The following MMS19 variants were observed in gnomAD, a reference collection of about 807,000 sequenced individuals.
MMS19 encodes the protein MMS19 nucleotide excision repair protein homolog.
In MMS19, 77 loss-of-function variants were observed where a neutral mutation model predicts 129.8. The ratio of observed to expected loss-of-function variants is 0.59; its 90% CI spans 0.49 to 0.72. MMS19 has a LOEUF of 0.72. Among genes scored for constraint, MMS19 ranks in the 30% least tolerant of loss-of-function variants. The pLI is 0.00. For missense variants in MMS19, 1,168 were observed against 1,266.3 expected (o/e 0.92, Z 1.18); for synonymous variants, 491 against 502.8 (o/e 0.98, Z 0.31).
At chr10:97,483,498 AT>A (rs553508022) in intron 2 of MMS19, among the ~76,000 whole-genome samples, 257 of 152,344 alleles carry the variant, frequency 1.7e-3, no homozygotes, top group African/African-American at 6.0e-3. Flanking sequence ...TTTAGAAGAC[AT>A]GCTGTCACAA....
upstream of MMS19, chr10:97,498,426 T>A (rs1188015530): frequency 6.4e-7 from 1 of 1,561,318 alleles, no homozygotes; most frequent in East Asian, 2.4e-5. Flanking sequence ...GGGCGGTGGC[T>A]CGAGACGGGC....
intron 1 of MMS19, among the ~76,000 whole-genome samples, chr10:97,492,231 G>A (rs1449105447): frequency 6.6e-6 from 1 of 151,582 alleles, no homozygotes; most frequent in Non-Finnish European, 1.5e-5. Flanking sequence ...AGCACTTTGG[G>A]AGGCCGAGGC....
rs144204064 is a variant in MMS19, at chr10:97,493,698, T to C, written c.112+4575A>G. 4.6e-5 allele frequency among the ~76,000 whole-genome samples: 7 copies of C among 152,326 alleles called. No individual in the cohort carries two copies. The East Asian group carries it at 1.3e-3, about 29-fold the overall frequency. On this transcript the variant is annotated intron_variant, in intron 1 of 30. Transcript: ENST00000438925. ...ACTAACTTTAAGTGATTAATTCTTT[T>C]AATGGTGCAAATTATCCAAAATTAA... is the stretch of plus-strand genomic sequence containing the variant.
intron 10 of MMS19, 35 bp downstream of exon 10, chr10:97,470,094 G>C (rs1444491510): frequency 6.9e-7 from 1 of 1,447,614 alleles, no homozygotes; most frequent in Admixed American, 1.8e-5. Context: ...CTTGTCAAAA[G>C]GTAGCTGGGT....
chr10:97,470,299 T>C, intron 9 of MMS19, 96 bp from the exon 10 acceptor site: 1 of 838,288 alleles, frequency 1.2e-6, no homozygotes, highest in South Asian at 1.5e-5. Flanking sequence ...TAAAAGCAGG[T>C]ACTACATCAA....
chr10:97,467,742 C>T lies in MMS19; in HGVS notation c.1219-159G>A, dbSNP rs565846835. 9.5e-6 allele frequency: 6 copies of T among 634,020 alleles called. No individual in the cohort carries two copies. In the East Asian group the frequency reaches 1.1e-4, roughly 12 times the overall value. 39.3% of individuals were successfully genotyped at this position (634,020 alleles called of 1,614,324 possible). On this transcript the variant is annotated intron_variant, in intron 13 of 30. Transcript: ENST00000438925. ...ACAGTAGCATGATTATAGCTCCCTG[C>T]AGCCCCGACCTCCTAGGTTCAAGTG...
intron 2 of MMS19, among the ~76,000 whole-genome samples, chr10:97,483,345 C>T (rs989555865): frequency 6.6e-6 from 1 of 152,166 alleles, no homozygotes; most frequent in Non-Finnish European, 1.5e-5. Flanking sequence ...TGAGCCACTG[C>T]ACCCAGCCAA....
intron 1 of MMS19, among the ~76,000 whole-genome samples, chr10:97,486,873 A>ATATATATATATATATATATG (rs2037963001): frequency 1.4e-5 from 1 of 69,506 alleles, no homozygotes; most frequent in Non-Finnish European, 3.0e-5. Context: ...ATATATATAT[A>ATATATATATATATATATATG]TATATATATA....
intron 23 of MMS19, chr10:97,461,276 T>C (rs2031817509): frequency 3.2e-6 from 2 of 627,746 alleles, no homozygotes; most frequent in East Asian, 5.6e-5. Flanking sequence ...ACGGCAGAAC[T>C]AGACTCTTTG....
At chr10:97,483,191 C>CTGG (rs768535397) in intron 2 of MMS19, among the ~76,000 whole-genome samples, 33 of 152,008 alleles carry the variant, frequency 2.2e-4, no homozygotes, top group South Asian at 4.2e-4. Context: ...TAGCTGGGAC[C>CTGG]ACAGGCGCAT....
intron 3 of MMS19, among the ~76,000 whole-genome samples, chr10:97,479,587 A>G (rs1398134784): frequency 1.3e-5 from 2 of 152,190 alleles, no homozygotes; most frequent in East Asian, 3.9e-4. Context: ...GTGTTATATA[A>G]CTTCCTGGCT....
chr10:97,473,742 A>G (rs1439567021), intron 8 of MMS19, among the ~76,000 whole-genome samples: 5 of 152,168 alleles, frequency 3.3e-5, no homozygotes, highest in African/African-American at 7.2e-5. Flanking sequence ...CAAAAGTTCT[A>G]TTGGGATATA....
rs374691484 is a variant in MMS19, at chr10:97,470,878, G to A, written c.685-17C>T. 6.2e-7 allele frequency: 1 copy of A among 1,612,108 alleles called. No homozygotes were observed. The stretch of plus-strand genomic sequence containing the variant: ...ATTAGGTGGCTGGAAAAGGGAGAAG[G>A]GCTGTGGGTTTGTGTAACATTTCAG... On this transcript the variant is annotated splice_polypyrimidine_tract_variant and intron_variant, in intron 8 of 30. Transcript: ENST00000438925.
At position 97,466,536 on chromosome 10, in the gene MMS19, T is replaced by A; in HGVS notation, c.1473A>T (p.Arg491Ser). The part of the protein sequence containing the change: ...DLELAVGHLY[R>S]LSFLKEDSQS... ...GGGAATCCTCCTTCAGGAAGCTCAG[T>A]CTGTACAGGTGACCCACTGCCAGCT... The change falls in exon 16 of 31, where the codon AGA (arginine) becomes AGT (serine). Residue 491 changes from arginine (R) to serine (S), a missense_variant. Physicochemically the swap from Arg to Ser is moderately radical, Grantham distance 110. Transcript: ENST00000438925. 1 of 1,613,890 alleles carries A rather than the reference T, an allele frequency of 6.2e-7. No individual in the cohort carries two copies. The highest frequency in any genetic ancestry group is 8.5e-7 in the Non-Finnish European group (1 of 1,179,794).
At chr10:97,487,314 A>ATTTT in intron 1 of MMS19, among the ~76,000 whole-genome samples, 1 of 109,312 alleles carries the variant, frequency 9.1e-6, no homozygotes, top group Non-Finnish European at 1.8e-5. Context: ...ATATGAGAAA[A>ATTTT]TTTCTTTTTT....
chr10:97,495,148 T>G (rs11189237), intron 1 of MMS19, among the ~76,000 whole-genome samples: 4,360 of 152,174 alleles, frequency 0.029, 86 homozygotes, highest in Non-Finnish European at 0.046. Flanking sequence ...ACAGAGCTAG[T>G]GAAGGGAATT....
chr10:97,464,972 G>A (rs1447517173), intron 18 of MMS19, among the ~76,000 whole-genome samples: 2 of 152,066 alleles, frequency 1.3e-5, no homozygotes, highest in East Asian at 3.9e-4. Flanking sequence ...CCAAAGTGCT[G>A]GGATTACAGG....
chr10:97,483,198 G>T (rs571198803), intron 2 of MMS19, among the ~76,000 whole-genome samples: 2 of 152,178 alleles, frequency 1.3e-5, no homozygotes, highest in South Asian at 4.2e-4. Flanking sequence ...GACCACAGGC[G>T]CATGCCACCA....
In MMS19 at chr10:97,498,395, A is replaced by G. The variant is rs938211907; in HGVS notation, c.-11T>C. ...CGCGGCAGCGGCCATAACGCGAACT[A>G]GAGACCGTGGGAGGGGATATGGGCG... On this transcript the variant is annotated 5_prime_UTR_variant, in exon 1 of 31. Coordinates refer to ENST00000438925, the MANE Select transcript of MMS19 (RefSeq NM_022362.5). 38 of 1,579,308 alleles carry G rather than the reference A, an allele frequency of 2.4e-5. 1 individual carries two copies. Among genetic ancestry groups the G allele is most frequent in the Non-Finnish European group, 2.7e-5 (32 of 1,170,720 alleles).
Sources: gnomAD v4.1 joint callset for allele counts (sites outside exome capture counted in the v4.1 genomes callset) on GRCh38, gnomAD v4.1.1 for gene constraint, MANE v1.5 for transcripts, NCBI Gene and HGNC (gene_info 2026-07-23, HGNC 2026-07-21) for gene names.